The following NEO1 variants were observed in gnomAD, a reference collection of about 807,000 sequenced individuals.
NEO1 encodes the protein neogenin 1.
Under a neutral mutation model 159.7 loss-of-function variants are expected in NEO1, and 63 were observed. That is an observed-to-expected ratio of 0.39 (90% CI 0.32 to 0.49). The LOEUF is 0.49. NEO1 is among the 20% of genes least tolerant of loss of function. NEO1 has a pLI of 0.85. For missense variants in NEO1, 1,615 were observed against 1,831.0 expected, an observed-to-expected ratio of 0.88 and a Z score of 2.15; for synonymous variants, 633 against 662.0, an observed-to-expected ratio of 0.96 and a Z score of 0.67.
intron 23 of NEO1, among the ~76,000 whole-genome samples, chr15:73,284,528 A>C (rs1002583189): frequency 2.6e-5 from 4 of 151,696 alleles, no homozygotes; most frequent in African/African-American, 7.3e-5. Context: ...TTCCAAGAAA[A>C]ATGGAGGCTT....
intron 26 of NEO1, among the ~76,000 whole-genome samples, chr15:73,297,839 A>G (rs935525875): frequency 1.3e-5 from 2 of 152,148 alleles, no homozygotes; most frequent in Non-Finnish European, 2.9e-5. Context: ...TTTTGCTGTG[A>G]TGAGGCCATG....
At chr15:73,234,080 C>A (rs2039051373) in intron 7 of NEO1, among the ~76,000 whole-genome samples, 1 of 152,120 alleles carries the variant, frequency 6.6e-6, no homozygotes, top group Non-Finnish European at 1.5e-5. Context: ...CCTCTCTAGC[C>A]AGTAGATAGT....
chr15:73,062,911 T>G (rs184353248), intron 1 of NEO1, among the ~76,000 whole-genome samples: 1 of 152,102 alleles, frequency 6.6e-6, no homozygotes, highest in Non-Finnish European at 1.5e-5. Flanking sequence ...GGTTATCTGA[T>G]AGAGATGATA....
chr15:73,277,377 A>G (rs910749194), intron 21 of NEO1, among the ~76,000 whole-genome samples: 6 of 152,210 alleles, frequency 3.9e-5, no homozygotes, highest in African/African-American at 9.6e-5. Context: ...AAGGCCAAGT[A>G]TAAGAATTTT....
At chr15:73,217,484 G>C (rs1474774490) in intron 7 of NEO1, among the ~76,000 whole-genome samples, 1 of 151,524 alleles carries the variant, frequency 6.6e-6, no homozygotes, top group Non-Finnish European at 1.5e-5. Context: ...TTGGTAGCTT[G>C]ATGGGGATGG....
At chr15:73,095,684 T>A (rs2069983991) in intron 1 of NEO1, among the ~76,000 whole-genome samples, 1 of 152,040 alleles carries the variant, frequency 6.6e-6, no homozygotes. Context: ...TTTTTTTTTT[T>A]TTGAGATTAA....
At chr15:73,094,117 A>G (rs1041393925) in intron 1 of NEO1, among the ~76,000 whole-genome samples, 5 of 152,132 alleles carry the variant, frequency 3.3e-5, no homozygotes, top group African/African-American at 1.2e-4. Context: ...ACCTATTTAA[A>G]ATGTGCAACT....
chr15:73,116,803 A>G lies in NEO1; in HGVS notation c.394A>G (p.Thr132Ala). Reference sequence around the variant, plus strand: ...TGAAGGTTATTATCAGTGTGTGGCCACTGTTGAGAGTCTTGGAACTATTAT... The same window carrying G: ...TGAAGGTTATTATCAGTGTGTGGCCGCTGTTGAGAGTCTTGGAACTATTAT... ...PDEGYYQCVA[T>A]VESLGTIISR... The change falls in exon 2 of 29, where the codon ACT becomes GCT. Residue 132 changes from threonine to alanine, a missense_variant. Thr to Ala is a moderately conservative substitution (Grantham distance 58, BLOSUM62 0). This residue lies in a region of NEO1 where 1,018 missense variants were observed against 1,115.4 expected (regional missense o/e 0.91). Coordinates refer to ENST00000261908, the MANE Select transcript of NEO1 (RefSeq NM_002499.4). 3 of 1,611,322 alleles carry G rather than the reference A, an allele frequency of 1.9e-6. No homozygotes were observed. Among genetic ancestry groups the G allele is most frequent in the Non-Finnish European group, 8.5e-7 (1 of 1,178,926 alleles).
In NEO1 at chr15:73,143,723, A is replaced by C. The variant is rs929648577; in HGVS notation, c.1015+7696A>C. Among the ~76,000 whole-genome samples the C allele has an allele frequency of 2.0e-5, 3 of 152,142 alleles. No homozygotes were observed. In the East Asian group the frequency reaches 5.8e-4, roughly 29 times the overall value. On this transcript the variant is annotated intron_variant, in intron 5 of 28. Coordinates refer to ENST00000261908, the MANE Select transcript of NEO1 (RefSeq NM_002499.4). ...TCCTCTTTACCAAATTAGTTTTCTG[A>C]ACATACTGTGCTGTTTGATAGCAGT... is the stretch of plus-strand genomic sequence containing the variant.
intron 1 of NEO1, among the ~76,000 whole-genome samples, chr15:73,077,751 C>G (rs6495047): frequency 7.2e-5 from 11 of 151,820 alleles, no homozygotes; most frequent in Non-Finnish European, 1.2e-4. Context: ...GCATATCATA[C>G]GTAAAAATAA....
chr15:73,058,960 C>T (rs2067851114), intron 1 of NEO1, among the ~76,000 whole-genome samples: 1 of 151,818 alleles, frequency 6.6e-6, no homozygotes, highest in Non-Finnish European at 1.5e-5. Flanking sequence ...TATTGTATAT[C>T]TTTTTTTTGT....
chr15:73,292,096 T>C (rs1567713538), intron 25 of NEO1, among the ~76,000 whole-genome samples: 1 of 152,090 alleles, frequency 6.6e-6, no homozygotes, highest in South Asian at 2.1e-4. Flanking sequence ...GAAAGCCCCT[T>C]TTTTGTTCCT....
At chr15:73,135,527 A>G (rs534954671) in intron 4 of NEO1, among the ~76,000 whole-genome samples, 14 of 152,304 alleles carry the variant, frequency 9.2e-5, no homozygotes, top group Admixed American at 3.3e-4. Context: ...TAACTCTCAG[A>G]TTGATTCCAG....
chr15:73,079,405 C>A (rs893370481), intron 1 of NEO1, among the ~76,000 whole-genome samples: 1 of 152,046 alleles, frequency 6.6e-6, no homozygotes, highest in African/African-American at 2.4e-5. Context: ...ATTTTTACTG[C>A]GTTATAGTTG....
intron 5 of NEO1, among the ~76,000 whole-genome samples, chr15:73,163,945 G>A (rs1044778843): frequency 1.3e-5 from 2 of 151,912 alleles, no homozygotes; most frequent in Non-Finnish European, 2.9e-5. Flanking sequence ...TGATGTGTGT[G>A]TATGTGTGTG....
rs997575220 is a variant in NEO1, at chr15:73,270,208, A to G, written c.2693A>G (p.Asn898Ser). Residue 898 changes from asparagine (N) to serine (S), a missense_variant, in exon 17 of 29, where the codon AAC (asparagine) becomes AGC (serine). Coordinates refer to ENST00000261908, the MANE Select transcript of NEO1 (RefSeq NM_002499.4). ...SRYYTVRWKT[N>S]IPANTKYKNA... ...TACTACACCGTCCGATGGAAAACCA[A>G]CATCCCAGCAAACACCAAGTACAAG... 10 of 1,614,084 alleles carry G rather than the reference A, an allele frequency of 6.2e-6. No individual in the cohort carries two copies. Among genetic ancestry groups the G allele is most frequent in the Middle Eastern group, 1.6e-4 (1 of 6,084 alleles).
At position 73,305,203 on chromosome 15, in the gene NEO1, A is replaced by G. The variant is rs2042742563; in HGVS notation, c.*2507A>G. 6.6e-6 allele frequency: 1 copy of G among 151,838 alleles called. No homozygotes were observed. The allele number at this position is 151,838 out of a possible 1,614,324, so 9.4% of individuals were successfully genotyped here. A position where few individuals can be genotyped will look rare whatever the true frequency, so the allele number is the denominator to read the frequency against. ...TCCAATACACTTTTTTAATCCAATC[A>G]AACTCTGGTCTGGTCAAAGAGTTAT... On this transcript the variant is annotated 3_prime_UTR_variant, in exon 29 of 29. Transcript: ENST00000261908.
chr15:73,294,998 G>T (rs1478159380), intron 26 of NEO1, among the ~76,000 whole-genome samples: 1 of 151,330 alleles, frequency 6.6e-6, no homozygotes, highest in African/African-American at 2.4e-5. Context: ...GGCCTTCCAG[G>T]CTGAGCAGTG....
intron 16 of NEO1, among the ~76,000 whole-genome samples, chr15:73,267,286 T>C (rs1453511420): frequency 6.6e-6 from 1 of 152,114 alleles, no homozygotes; most frequent in Admixed American, 6.6e-5. Flanking sequence ...ATCTCTAAAA[T>C]AAAGTAATAT....
Sources: allele counts gnomAD v4.1 joint callset (sites outside exome capture counted in the v4.1 genomes callset), GRCh38; gene constraint gnomAD v4.1.1; regional missense constraint gnomAD v4.1.1; transcripts MANE v1.5; gene names NCBI Gene and HGNC (gene_info 2026-07-23, HGNC 2026-07-21).